CEP112: variants seen among roughly 807,000 people sequenced by gnomAD.
CEP112 encodes the protein centrosomal protein of 112 kDa.
In CEP112, 127 loss-of-function variants were observed where a neutral mutation model predicts 153.0. The observed-to-expected ratio is 0.83, with a 90% CI of 0.72 to 0.96. CEP112 has a LOEUF of 0.96. Among genes scored for constraint, CEP112 ranks in the 40% least tolerant of loss-of-function variants. The probability of loss-of-function intolerance (pLI) is 0.00; values close to 1 mark genes in which losing one functional copy is unlikely to be tolerated. For missense variants in CEP112, 1,089 were observed against 1,101.2 expected (o/e 0.99, Z 0.16); for synonymous variants, 358 against 374.4 (o/e 0.96, Z 0.51).
intron 4 of CEP112, among the ~76,000 whole-genome samples, chr17:66,152,940 T>C (rs542145978): frequency 6.6e-6 from 1 of 152,278 alleles, no homozygotes; most frequent in East Asian, 1.9e-4. Context: ...ATGCTCAGTG[T>C]CATTAGTCAC....
In CEP112 at chr17:65,635,785, T is replaced by G; in HGVS notation, c.*186A>C. The G allele has an allele frequency of 1.7e-6, 1 of 589,512 alleles. No individual in the cohort carries two copies. Among genetic ancestry groups the G allele is most frequent in the East Asian group, 2.9e-5 (1 of 34,226 alleles). The allele number at this position is 589,512 out of a possible 1,614,324, so 36.5% of individuals were successfully genotyped here. A position where few individuals can be genotyped will look rare whatever the true frequency, so the allele number is the denominator to read the frequency against. ...ATAAAGGAATGTTAAAAAAATAACTTAGGCAGACACAAATAAAACCACCCC... is the reference window on the plus strand; with the variant it reads ...ATAAAGGAATGTTAAAAAAATAACTGAGGCAGACACAAATAAAACCACCCC... On this transcript the variant is annotated 3_prime_UTR_variant, in exon 27 of 27. Transcript: ENST00000535342.
chr17:65,991,626 T>G (rs2873905), intron 17 of CEP112, among the ~76,000 whole-genome samples: 88,842 of 151,794 alleles, frequency 0.59, 27,381 homozygotes, highest in African/African-American at 0.72. Context: ...GAATAAAATT[T>G]CTTATGAAGG....
chr17:66,110,348 G>T (rs1404602566), intron 6 of CEP112, among the ~76,000 whole-genome samples: 9 of 146,302 alleles, frequency 6.2e-5, no homozygotes, highest in Admixed American at 6.1e-4. Context: ...AAAAAAAAAA[G>T]AAAAAAAAAG....
chr17:65,967,039 C>G (rs1382557352), intron 17 of CEP112, among the ~76,000 whole-genome samples: 1 of 152,102 alleles, frequency 6.6e-6, no homozygotes, highest in Non-Finnish European at 1.5e-5. Flanking sequence ...ATCCAAAACA[C>G]TAAATCAGAA....
chr17:65,913,441 C>T (rs2060359614), intron 19 of CEP112: 14 of 931,848 alleles, frequency 1.5e-5, no homozygotes, highest in Non-Finnish European at 1.7e-5. Flanking sequence ...ATACTACAAT[C>T]TGGTCTTACT....
At chr17:66,018,846 A>G (rs2145598318) in intron 16 of CEP112, among the ~76,000 whole-genome samples, 1 of 152,298 alleles carries the variant, frequency 6.6e-6, no homozygotes, top group Non-Finnish European at 1.5e-5. Context: ...GGTGCTTAAC[A>G]TATGTCTGGC....
chr17:66,021,745 G>T (rs2065008334), intron 16 of CEP112, among the ~76,000 whole-genome samples: 1 of 152,106 alleles, frequency 6.6e-6, no homozygotes, highest in South Asian at 2.1e-4. Flanking sequence ...GCCTACTGTT[G>T]GGAGATGTGA....
chr17:65,860,232 G>GATCA (rs1430992935), intron 20 of CEP112, among the ~76,000 whole-genome samples: 2 of 151,956 alleles, frequency 1.3e-5, no homozygotes, highest in Non-Finnish European at 2.9e-5. Flanking sequence ...TTAGAAATAA[G>GATCA]CCTATCAAAA....
intron 8 of CEP112, among the ~76,000 whole-genome samples, chr17:66,075,354 T>C (rs566859000): frequency 6.6e-6 from 1 of 152,246 alleles, no homozygotes; most frequent in African/African-American, 2.4e-5. Context: ...CGGCACAATA[T>C]TGACACTAAA....
At chr17:65,664,518 C>T (rs971733444) in intron 24 of CEP112, among the ~76,000 whole-genome samples, 31 of 152,256 alleles carry the variant, frequency 2.0e-4, no homozygotes, top group African/African-American at 7.0e-4. Context: ...TAGGAAGAGA[C>T]CATTTTGTCC....
intron 20 of CEP112, among the ~76,000 whole-genome samples, chr17:65,881,817 T>C (rs1369362158): frequency 2.0e-5 from 3 of 152,196 alleles, no homozygotes; most frequent in Non-Finnish European, 4.4e-5. Flanking sequence ...ACCACAAAAT[T>C]AAAAGCATTC....
chr17:65,983,832 T>C (rs1163880108), intron 17 of CEP112, among the ~76,000 whole-genome samples: 1 of 152,226 alleles, frequency 6.6e-6, no homozygotes, highest in African/African-American at 2.4e-5. Context: ...CTAACAGTCT[T>C]TTCTCCGCTT....
intron 12 of CEP112, among the ~76,000 whole-genome samples, chr17:66,051,313 T>C (rs979423643): frequency 6.6e-6 from 1 of 150,916 alleles, no homozygotes; most frequent in Non-Finnish European, 1.5e-5. Flanking sequence ...TTCTTGTATG[T>C]TTCATTTTTG....
intron 14 of CEP112, 22 bp from the exon 15 acceptor site, chr17:66,028,427 T>C (rs1324694568): frequency 1.4e-6 from 2 of 1,398,612 alleles, no homozygotes; most frequent in Non-Finnish European, 2.0e-6. Context: ...TTAAGAAGAA[T>C]AAAAAGCAGA....
At chr17:65,758,105 G>A (rs2052395306) in intron 21 of CEP112, among the ~76,000 whole-genome samples, 1 of 152,072 alleles carries the variant, frequency 6.6e-6, no homozygotes, top group South Asian at 2.1e-4. Flanking sequence ...TGGGATTACA[G>A]GTACATGACA....
chr17:65,885,756 C>A (rs2059253998), intron 20 of CEP112, among the ~76,000 whole-genome samples: 2 of 152,198 alleles, frequency 1.3e-5, no homozygotes, highest in Admixed American at 1.3e-4. Context: ...CCCAGACTAG[C>A]CTGTCCTGCA....
chr17:65,927,436 G>A (rs939266487), intron 19 of CEP112, 146 bp downstream of exon 19: 7 of 534,678 alleles, frequency 1.3e-5, no homozygotes, highest in Non-Finnish European at 2.2e-5. Context: ...AGATTTTATT[G>A]AAACAAACAT....
chr17:66,105,095 GACATAGTGTAATAAGATAGAAACA>G (rs2068726582), intron 6 of CEP112, among the ~76,000 whole-genome samples: 1 of 152,118 alleles, frequency 6.6e-6, no homozygotes, highest in African/African-American at 2.4e-5. Flanking sequence ...AATTTTTCAA[GACATAGTGTAATAAGATAGAAACA>G]ACAAAAAGTT....
chr17:66,077,185 G>A (rs967058455), intron 8 of CEP112, among the ~76,000 whole-genome samples: 2 of 151,940 alleles, frequency 1.3e-5, no homozygotes, highest in East Asian at 1.9e-4. Flanking sequence ...ACCAGCAATG[G>A]ATCCAAACCA....
Sources: gnomAD v4.1 joint callset for allele counts (sites outside exome capture counted in the v4.1 genomes callset) on GRCh38, gnomAD v4.1.1 for gene constraint, MANE v1.5 for transcripts, NCBI Gene and HGNC (gene_info 2026-07-23, HGNC 2026-07-21) for gene names.